The following UNC79 variants were observed in gnomAD, a reference collection of about 807,000 sequenced individuals.
UNC79 encodes unc-79 subunit of NALCN channel complex.
UNC79 carries 37 observed loss-of-function variants against 283.1 expected under a neutral mutation model. The ratio of observed to expected loss-of-function variants is 0.13; its 90% CI spans 0.10 to 0.17. UNC79 has a LOEUF of 0.17. UNC79 is among the 10% of genes least tolerant of loss of function. The pLI, the probability that UNC79 is intolerant of heterozygous loss-of-function variation, is 1.00. For missense variants in UNC79, 2,272 were observed against 3,211.1 expected (o/e 0.71, Z 7.07); for synonymous variants, 1,107 against 1,200.2 (o/e 0.92, Z 1.61).
At chr14:93,669,111 A>G (rs985182199) in intron 40 of UNC79, among the ~76,000 whole-genome samples, 1 of 152,144 alleles carries the variant, frequency 6.6e-6, no homozygotes, top group Admixed American at 6.5e-5. Flanking sequence ...GACCCAGAGT[A>G]GTAAAAACAG....
chr14:93,585,750 G>A (rs1028441416), intron 20 of UNC79, among the ~76,000 whole-genome samples: 6 of 152,068 alleles, frequency 3.9e-5, no homozygotes, highest in African/African-American at 9.7e-5. Flanking sequence ...AGATCCTCCC[G>A]AGAGGGTGAA....
chr14:93,451,660 C>T lies in UNC79; in HGVS notation c.23-16011C>T, dbSNP rs181199011. 5.8e-3 allele frequency among the ~76,000 whole-genome samples: 887 copies of T among 152,286 alleles called. 3 individuals carry two copies. Among genetic ancestry groups the T allele is most frequent in the Non-Finnish European group, 8.6e-3 (583 of 68,014 alleles). On this transcript the variant is annotated intron_variant, in intron 1 of 48. Coordinates refer to ENST00000555664, the Ensembl canonical transcript of UNC79. Reference sequence around the variant, plus strand: ...GGGAGAAAATTTAGGGTTCTAATTGCTCTTAAACAGTTTTCAGCCAATCCC... The same window carrying T: ...GGGAGAAAATTTAGGGTTCTAATTGTTCTTAAACAGTTTTCAGCCAATCCC...
At chr14:93,549,970 T>A (rs1407638840) in intron 14 of UNC79, among the ~76,000 whole-genome samples, 1 of 152,250 alleles carries the variant, frequency 6.6e-6, no homozygotes, top group Non-Finnish European at 1.5e-5. Flanking sequence ...ACTGTCAATC[T>A]GAATTAATCA....
chr14:93,589,998 C>T (rs1162062057), intron 22 of UNC79, among the ~76,000 whole-genome samples: 1 of 152,132 alleles, frequency 6.6e-6, no homozygotes, highest in East Asian at 1.9e-4. Context: ...AGACTTTCTT[C>T]CATCTCTCCT....
At chr14:93,335,885 A>G (rs1377952328) in intron 1 of UNC79, among the ~76,000 whole-genome samples, 1 of 152,220 alleles carries the variant, frequency 6.6e-6, no homozygotes, top group African/African-American at 2.4e-5. Flanking sequence ...GTTAGTTGGA[A>G]ATGGGTAAAA....
intron 16 of UNC79, among the ~76,000 whole-genome samples, chr14:93,574,691 G>A (rs2063376397): frequency 6.6e-6 from 1 of 152,140 alleles, no homozygotes; most frequent in South Asian, 2.1e-4. Flanking sequence ...AGCAGGATCG[G>A]ATGGGTCATT....
chr14:93,399,678 A>G (rs1418398397), intron 1 of UNC79, among the ~76,000 whole-genome samples: 1 of 152,212 alleles, frequency 6.6e-6, no homozygotes, highest in Non-Finnish European at 1.5e-5. Context: ...TTTGATAGAT[A>G]CAGAGATTTG....
At chr14:93,651,194 TAGTA>T (rs2070212873) in intron 35 of UNC79, among the ~76,000 whole-genome samples, 1 of 152,186 alleles carries the variant, frequency 6.6e-6, no homozygotes, top group Admixed American at 6.5e-5. Flanking sequence ...TCATAGTAAG[TAGTA>T]AGTGTTAAAG....
At chr14:93,608,420 G>T (rs746594497) in intron 26 of UNC79, among the ~76,000 whole-genome samples, 1 of 152,176 alleles carries the variant, frequency 6.6e-6, no homozygotes, top group Non-Finnish European at 1.5e-5. Flanking sequence ...TTGATTGGTG[G>T]ATGAGACATA....
At chr14:93,366,786 T>C (rs534859589) in intron 1 of UNC79, among the ~76,000 whole-genome samples, 3 of 152,230 alleles carry the variant, frequency 2.0e-5, no homozygotes, top group Admixed American at 2.0e-4. Context: ...TTGGCCAGGC[T>C]GGTCTTGAAC....
chr14:93,695,916 CA>C (rs2075086180), intron 47 of UNC79, among the ~76,000 whole-genome samples: 2 of 80,846 alleles, frequency 2.5e-5, no homozygotes, highest in Non-Finnish European at 5.1e-5. Context: ...AAAAAGCAAA[CA>C]AAAAAACAAC....
At chr14:93,600,898 A>G (rs1313499592) in intron 25 of UNC79, 128 bp downstream of exon 25, 2 of 932,704 alleles carry the variant, frequency 2.1e-6, no homozygotes, top group Non-Finnish European at 3.2e-6. Flanking sequence ...CACTCAATTC[A>G]TTAAATGATT....
intron 2 of UNC79, among the ~76,000 whole-genome samples, chr14:93,470,828 G>A (rs1449076197): frequency 3.3e-5 from 5 of 152,186 alleles, no homozygotes; most frequent in African/African-American, 1.2e-4. Context: ...TCCCCTCACT[G>A]CTACATGGGA....
intron 1 of UNC79, among the ~76,000 whole-genome samples, chr14:93,412,489 T>TA (rs36097077): frequency 0.71 from 107,241 of 151,764 alleles, 38,350 homozygotes; most frequent in Middle Eastern, 0.78. Flanking sequence ...AGGCATTTAA[T>TA]ATCAAACTAC....
Position 93,493,874 on chromosome 14 carries a change from CATAT to C in UNC79, c.713-2512_713-2509del, listed in dbSNP as rs140201851. On this transcript the variant is annotated intron_variant, in intron 5 of 48. Transcript: ENST00000555664. ...GGAAGAGAGAGAAGGGGAAGTGCCA[CATAT>C]ATATATATATATATATATATATATT... 1.4e-3 allele frequency among the ~76,000 whole-genome samples: 107 copies of C among 76,674 alleles called. 2 individuals carry two copies. The highest frequency in any genetic ancestry group is 9.6e-3 in the South Asian group (14 of 1,464). The allele number at this position is 76,674 out of a possible 152,430, so 50.3% of individuals were successfully genotyped here.
chr14:93,364,732 GCATTGGCTT>G, intron 1 of UNC79, among the ~76,000 whole-genome samples: 1 of 151,526 alleles, frequency 6.6e-6, no homozygotes, highest in Admixed American at 6.6e-5. Context: ...CAATTCACTA[GCATTGGCTT>G]ATTGACTAAT....
intron 25 of UNC79, among the ~76,000 whole-genome samples, chr14:93,601,102 A>C (rs1178653954): frequency 6.6e-6 from 1 of 152,206 alleles, no homozygotes; most frequent in Admixed American, 6.5e-5. Context: ...TCACTCTTGC[A>C]TACTTTCTAA....
intron 12 of UNC79, among the ~76,000 whole-genome samples, chr14:93,539,803 T>C (rs1301311720): frequency 1.3e-5 from 2 of 152,236 alleles, no homozygotes; most frequent in African/African-American, 2.4e-5. Flanking sequence ...CAATTCTTTT[T>C]GAAATAACAT....
intron 1 of UNC79, among the ~76,000 whole-genome samples, chr14:93,345,335 C>T (rs1308733671): frequency 6.6e-6 from 1 of 152,202 alleles, no homozygotes; most frequent in Non-Finnish European, 1.5e-5. Flanking sequence ...AGTAACTGAC[C>T]TGCTTCTTCA....
Sources: gnomAD v4.1 joint callset for allele counts (sites outside exome capture counted in the v4.1 genomes callset) on GRCh38, gnomAD v4.1.1 for gene constraint, MANE v1.5 for transcripts, NCBI Gene and HGNC (gene_info 2026-07-23, HGNC 2026-07-21) for gene names.